The following VSNL1 variants were observed in gnomAD, a reference collection of about 807,000 sequenced individuals.
VSNL1 encodes visinin like 1, also known as visinin-like protein 1.
VSNL1 carries 6 observed loss-of-function variants against 20.4 expected under a neutral mutation model. That is an observed-to-expected ratio of 0.29 (90% CI 0.16 to 0.58). VSNL1 has a LOEUF of 0.58. VSNL1 is among the 20% of genes least tolerant of loss of function. The probability of loss-of-function intolerance (pLI) is 0.90; values close to 1 mark genes in which losing one functional copy is unlikely to be tolerated. For missense variants in VSNL1, 100 were observed against 234.5 expected, an observed-to-expected ratio of 0.43 and a Z score of 3.75; for synonymous variants, 93 against 86.4, an observed-to-expected ratio of 1.08 and a Z score of -0.42.
intron 1 of VSNL1, among the ~76,000 whole-genome samples, chr2:17,573,396 T>G (rs1267641571): frequency 6.6e-6 from 1 of 151,674 alleles, no homozygotes; most frequent in Non-Finnish European, 1.5e-5. Flanking sequence ...ATGGAGGCAA[T>G]GTCAAGACTA....
At chr2:17,633,443 TGA>T in intron 2 of VSNL1, among the ~76,000 whole-genome samples, 1 of 149,244 alleles carries the variant, frequency 6.7e-6, no homozygotes, top group Non-Finnish European at 1.5e-5. Flanking sequence ...TGCTTGAACC[TGA>T]GAGGCAGAGG....
At chr2:17,560,576 C>G (rs1006645262) in intron 1 of VSNL1, among the ~76,000 whole-genome samples, 2 of 152,072 alleles carry the variant, frequency 1.3e-5, no homozygotes, top group Admixed American at 1.3e-4. Context: ...CATTTAGAAA[C>G]AAGTGAATCT....
intron 2 of VSNL1, among the ~76,000 whole-genome samples, chr2:17,632,030 GCC>G (rs2103412884): frequency 2.0e-5 from 3 of 151,984 alleles, no homozygotes; most frequent in African/African-American, 4.8e-5. Flanking sequence ...GGGACTACAG[GCC>G]CATGCCACCA....
At chr2:17,547,746 C>G (rs1426085634) in intron 1 of VSNL1, among the ~76,000 whole-genome samples, 1 of 151,990 alleles carries the variant, frequency 6.6e-6, no homozygotes, top group Non-Finnish European at 1.5e-5. Context: ...CATCATCACC[C>G]TACTATATAA....
At chr2:17,583,862 T>C (rs894392336) in intron 1 of VSNL1, among the ~76,000 whole-genome samples, 6 of 152,210 alleles carry the variant, frequency 3.9e-5, no homozygotes, top group African/African-American at 1.2e-4. Context: ...TTAGGATGAC[T>C]CCTGCTGTCT....
At chr2:17,633,278 A>G (rs1223834116) in intron 2 of VSNL1, among the ~76,000 whole-genome samples, 3 of 145,970 alleles carry the variant, frequency 2.1e-5, no homozygotes, top group Non-Finnish European at 3.0e-5. Flanking sequence ...GAATTATGGG[A>G]GCTACAATTC....
At chr2:17,565,210 A>C (rs1663909423) in intron 1 of VSNL1, among the ~76,000 whole-genome samples, 1 of 152,164 alleles carries the variant, frequency 6.6e-6, no homozygotes, top group Non-Finnish European at 1.5e-5. Flanking sequence ...GATTAGGGAG[A>C]AGTCTGAATT....
At chr2:17,631,763 C>T (rs1031929150) in intron 2 of VSNL1, among the ~76,000 whole-genome samples, 3 of 152,222 alleles carry the variant, frequency 2.0e-5, no homozygotes, top group East Asian at 1.9e-4. Flanking sequence ...GTTTTCATGA[C>T]GTAGCACCAA....
At chr2:17,620,717 C>T (rs984498011) in intron 2 of VSNL1, among the ~76,000 whole-genome samples, 4 of 152,032 alleles carry the variant, frequency 2.6e-5, no homozygotes, top group East Asian at 3.8e-4. Context: ...TATCGAGTGA[C>T]GCTACAAATT....
rs1365425063 is a variant in VSNL1, at chr2:17,634,749, T to A, written c.163-14661T>A. Among the ~76,000 whole-genome samples, 2 of 152,184 alleles carry A rather than the reference T, an allele frequency of 1.3e-5. No individual in the cohort carries two copies. Among genetic ancestry groups the A allele is most frequent in the African/African-American group, 4.8e-5 (2 of 41,444 alleles). On this transcript the variant is annotated intron_variant, in intron 2 of 3. Transcript: ENST00000295156. The surrounding 1 kb of genome is among the most constrained non-coding windows in gnomAD (Gnocchi z 4.3). ...CAACTGCCAAAGAAGAGAAAATGGT[T>A]AGCTCATTCCCATAGTCACACAGTT...
At chr2:17,648,818 C>G (rs1022759030) in intron 2 of VSNL1, among the ~76,000 whole-genome samples, 2 of 152,166 alleles carry the variant, frequency 1.3e-5, no homozygotes, top group Non-Finnish European at 2.9e-5. Flanking sequence ...CAAAAATAAG[C>G]CCAGTCATGT....
chr2:17,639,694 C>T (rs1248380888), intron 2 of VSNL1, among the ~76,000 whole-genome samples: 3 of 152,152 alleles, frequency 2.0e-5, no homozygotes, highest in Admixed American at 1.3e-4. Context: ...CATCTTTCAT[C>T]GGCTGAATAC....
chr2:17,606,588 T>G (rs905329330), intron 2 of VSNL1, among the ~76,000 whole-genome samples: 1 of 152,162 alleles, frequency 6.6e-6, no homozygotes, highest in Non-Finnish European at 1.5e-5. Flanking sequence ...AAGCCCACCA[T>G]GAGGAATTAC....
chr2:17,630,391 C>G (rs1331909149), intron 2 of VSNL1, among the ~76,000 whole-genome samples: 1 of 152,202 alleles, frequency 6.6e-6, no homozygotes, highest in Non-Finnish European at 1.5e-5. Context: ...CTGCAGAAGC[C>G]TCATCAGTTG....
intron 1 of VSNL1, among the ~76,000 whole-genome samples, chr2:17,575,586 A>T (rs1031948995): frequency 6.6e-6 from 1 of 151,524 alleles, no homozygotes; most frequent in Non-Finnish European, 1.5e-5. Flanking sequence ...CCCAGGCTGG[A>T]GTGCAGTGGC....
intron 2 of VSNL1, among the ~76,000 whole-genome samples, chr2:17,612,795 C>T (rs1439065797): frequency 2.0e-5 from 3 of 152,304 alleles, no homozygotes; most frequent in South Asian, 2.1e-4. Context: ...GCAATTCCTT[C>T]GTTTCCCAGA....
intron 2 of VSNL1, among the ~76,000 whole-genome samples, chr2:17,602,662 C>G (rs1322219345): frequency 6.6e-6 from 1 of 152,074 alleles, no homozygotes; most frequent in African/African-American, 2.4e-5. Context: ...ATTGCTTAAA[C>G]CTAGGAGGCG....
At chr2:17,570,262 C>T (rs965804695) in intron 1 of VSNL1, among the ~76,000 whole-genome samples, 10 of 152,056 alleles carry the variant, frequency 6.6e-5, no homozygotes, top group Non-Finnish European at 1.0e-4. Context: ...TCCCTACATG[C>T]GTAGGGTAGA....
chr2:17,641,192 G>A (rs1175434700), intron 2 of VSNL1, among the ~76,000 whole-genome samples: 1 of 152,180 alleles, frequency 6.6e-6, no homozygotes, highest in African/African-American at 2.4e-5. Flanking sequence ...ACTTTATTCT[G>A]GAGGAGGTAG....
Sources: allele counts gnomAD v4.1 joint callset (sites outside exome capture counted in the v4.1 genomes callset), GRCh38; gene constraint gnomAD v4.1.1; non-coding constraint Gnocchi (gnomAD v3.1); transcripts MANE v1.5; gene names NCBI Gene and HGNC (gene_info 2026-07-23, HGNC 2026-07-21).